UEVLD: variants seen among roughly 807,000 people sequenced by gnomAD.
UEVLD encodes the protein ubiquitin-conjugating enzyme E2 variant 3.
UEVLD carries 47 observed loss-of-function variants against 58.6 expected under a neutral mutation model. The ratio of observed to expected loss-of-function variants is 0.80; its 90% confidence interval spans 0.63 to 1.02. The LOEUF (loss-of-function observed/expected upper bound fraction) is 1.02, where lower values mean the gene tolerates loss of function less well. Ranked by LOEUF, UEVLD falls within the 50% of genes least tolerant of loss-of-function variation. UEVLD has a pLI of 0.00. For missense variants in UEVLD, 510 were observed against 550.6 expected (o/e 0.93, Z 0.74); for synonymous variants, 197 against 195.3 (o/e 1.01, Z -0.07).
At chr11:18,550,956 G>C (rs1160035381) in intron 7 of UEVLD, among the ~76,000 whole-genome samples, 3 of 152,148 alleles carry the variant, frequency 2.0e-5, no homozygotes, top group African/African-American at 7.2e-5. Flanking sequence ...GCACAGCCAG[G>C]TTTGGTTAGC....
intron 1 of UEVLD, chr11:18,587,846 T>C (rs530488094): frequency 1.3e-4 from 20 of 151,814 alleles, no homozygotes; most frequent in African/African-American, 4.6e-4. Flanking sequence ...ACTAGGAAAC[T>C]GGTGAAAACT....
At position 18,534,341 on chromosome 11, in the gene UEVLD, C is replaced by G. The variant is rs2133950893; in HGVS notation, c.1237G>C (p.Ala413Pro). 1.3e-6 allele frequency: 2 copies of G among 1,539,114 alleles called. No homozygotes were observed. Among genetic ancestry groups the G allele is most frequent in the African/African-American group, 2.8e-5 (2 of 70,730 alleles). Reference protein sequence around the residue: ...NNKKKVHSVSALAKGYYDINS... With the variant: ...NNKKKVHSVSPLAKGYYDINS... ...AGAATAGCAATTACCTTTGCTAAAG[C>G]TGATACAGAATGCACTTTCTTCTTA... The change falls in exon 11 of 12, where the codon GCT becomes CCT. Residue 413 changes from alanine (A) to proline (P), a missense_variant. Transcript: ENST00000396197.
chr11:18,584,480 T>G (rs1412987605), intron 1 of UEVLD, among the ~76,000 whole-genome samples: 1 of 152,158 alleles, frequency 6.6e-6, no homozygotes, highest in Non-Finnish European at 1.5e-5. Context: ...CAAAGCTTTC[T>G]GCCATAATGG....
At chr11:18,584,007 A>G (rs569421295) in intron 1 of UEVLD, among the ~76,000 whole-genome samples, 1 of 152,184 alleles carries the variant, frequency 6.6e-6, no homozygotes, top group Non-Finnish European at 1.5e-5. Flanking sequence ...CTCCGAGGTA[A>G]CTCAGCTGGA....
intron 6 of UEVLD, 97 bp from the exon 7 acceptor site, chr11:18,558,427 A>C: frequency 1.5e-6 from 1 of 669,244 alleles, no homozygotes; most frequent in Non-Finnish European, 2.4e-6. Flanking sequence ...AACAGGCCTC[A>C]TACACTGTCT....
chr11:18,581,609 G>A (rs555378771), intron 1 of UEVLD, among the ~76,000 whole-genome samples: 2 of 152,052 alleles, frequency 1.3e-5, no homozygotes, highest in South Asian at 2.1e-4. Context: ...ACTTGAACCC[G>A]GGAGGCAGAG....
chr11:18,563,711 GAGGTAAT>G, intron 6 of UEVLD: 1 of 985,266 alleles, frequency 1.0e-6, no homozygotes, highest in Non-Finnish European at 1.2e-6. Flanking sequence ...TTCTAATTAA[GAGGTAAT>G]AGCAGGCCAG....
At chr11:18,579,352 C>T (rs537122307) in intron 1 of UEVLD, 1 of 636,228 alleles carries the variant, frequency 1.6e-6, no homozygotes, top group Non-Finnish European at 2.0e-6. Flanking sequence ...AGTCATATAG[C>T]AAGTTAAATA....
intron 3 of UEVLD, among the ~76,000 whole-genome samples, chr11:18,572,215 G>A (rs1022934156): frequency 5.9e-5 from 9 of 151,836 alleles, no homozygotes; most frequent in East Asian, 1.9e-4. Context: ...CAGCCTGGGC[G>A]ACAGTGCGAG....
chr11:18,570,902 TAATTAAAA>T (rs1447747113), intron 3 of UEVLD, among the ~76,000 whole-genome samples: 1 of 149,292 alleles, frequency 6.7e-6, no homozygotes, highest in Non-Finnish European at 1.5e-5. Context: ...TGAGTAAGTT[TAATTAAAA>T]CAATGGCCAA....
In UEVLD at chr11:18,588,671, A is replaced by G; in HGVS notation, c.-17T>C. 3 of 1,607,604 alleles carry G rather than the reference A, an allele frequency of 1.9e-6. No individual in the cohort carries two copies. Among genetic ancestry groups the G allele is most frequent in the South Asian group, 1.1e-5 (1 of 90,972 alleles). On this transcript the variant is annotated 5_prime_UTR_variant, in exon 1 of 12. Transcript: ENST00000396197. ...GAACTCCATCTCCAGGCCGGTCCCG[A>G]GCTAGGTCCCAGGACTCCAGCCCCC...
chr11:18,555,214 C>T (rs1283369128), intron 7 of UEVLD, among the ~76,000 whole-genome samples: 5 of 152,180 alleles, frequency 3.3e-5, no homozygotes, highest in African/African-American at 9.6e-5. Context: ...ATCACGAGGT[C>T]AGGAGATCAA....
chr11:18,557,491 A>G (rs1851803743), intron 7 of UEVLD, among the ~76,000 whole-genome samples: 1 of 151,944 alleles, frequency 6.6e-6, no homozygotes, highest in Non-Finnish European at 1.5e-5. Context: ...TTTTATTATT[A>G]AAATTTATTT....
chr11:18,579,538 C>T, intron 1 of UEVLD: 1 of 978,564 alleles, frequency 1.0e-6, no homozygotes, highest in Non-Finnish European at 1.2e-6. Flanking sequence ...CGACTTTCCC[C>T]TCCCACCTTC....
chr11:18,552,998 A>T (rs1851598350), intron 7 of UEVLD, among the ~76,000 whole-genome samples: 1 of 151,990 alleles, frequency 6.6e-6, no homozygotes, highest in East Asian at 1.9e-4. Context: ...TACTAAAAAT[A>T]CAAAAAGTTA....
intron 8 of UEVLD, among the ~76,000 whole-genome samples, chr11:18,545,089 T>TGAGATGGAGTGTCGCTCTA (rs1851249066): frequency 6.8e-6 from 1 of 147,986 alleles, no homozygotes; most frequent in African/African-American, 2.5e-5. Flanking sequence ...TTTTTTTTTT[T>TGAGATGGAGTGTCGCTCTA]TGAGATGGAG....
intron 3 of UEVLD, among the ~76,000 whole-genome samples, chr11:18,574,308 T>C (rs1170902788): frequency 6.6e-6 from 1 of 152,124 alleles, no homozygotes; most frequent in Non-Finnish European, 1.5e-5. Context: ...GGCCTAATTT[T>C]TGTATTTTTA....
At chr11:18,554,112 G>A (rs1387478335) in intron 7 of UEVLD, among the ~76,000 whole-genome samples, 2 of 151,660 alleles carry the variant, frequency 1.3e-5, no homozygotes, top group Non-Finnish European at 2.9e-5. Context: ...TTTTTGAGAC[G>A]GAGTTTCGCT....
intron 1 of UEVLD, 121 bp from the exon 2 acceptor site, chr11:18,578,929 G>A (rs560810086): frequency 1.6e-4 from 98 of 624,074 alleles, no homozygotes; most frequent in East Asian, 4.1e-4. Flanking sequence ...ATGCAGTGGC[G>A]GGATCTCAGC....
Sources: gnomAD v4.1 joint callset for allele counts (sites outside exome capture counted in the v4.1 genomes callset) on GRCh38, gnomAD v4.1.1 for gene constraint, MANE v1.5 for transcripts, NCBI Gene and HGNC (gene_info 2026-07-23, HGNC 2026-07-21) for gene names.